DNAH5: variants seen among roughly 807,000 people sequenced by gnomAD.
The protein encoded by DNAH5 is axonemal beta dynein heavy chain 5.
Under a neutral mutation model 518.2 loss-of-function variants are expected in DNAH5, and 372 were observed. The ratio of observed to expected loss-of-function variants is 0.72; its 90% CI spans 0.66 to 0.78. DNAH5 has a LOEUF of 0.78. Among genes scored for constraint, DNAH5 ranks in the 30% least tolerant of loss-of-function variants. The pLI is 0.00. For missense variants in DNAH5, 5,523 were observed against 5,687.0 expected (o/e 0.97, Z 0.93); for synonymous variants, 2,039 against 2,025.9 (o/e 1.01, Z -0.17).
At chr5:13,761,773 T>G (rs879466046) in intron 60 of DNAH5, among the ~76,000 whole-genome samples, 1 of 152,216 alleles carries the variant, frequency 6.6e-6, no homozygotes, top group African/African-American at 2.4e-5. Context: ...ACATCAATTA[T>G]TTGCTCTGAA....
At position 13,753,528 on chromosome 5, in the gene DNAH5, GC is replaced by G. The variant is rs1750557822; in HGVS notation, c.10576del (p.Ala3526LeufsTer18). Reference sequence around the variant, plus strand: ...AAATGGACCAGAATAAGATAGAAAAGCTGTAGCCAACAGTACATCCCCTAAA... The same window carrying G: ...AAATGGACCAGAATAAGATAGAAAAGTGTAGCCAACAGTACATCCCCTAAA... ...RLVGDVLLAT[A>X]FLSYSGPFNQ... On this transcript the variant is annotated frameshift_variant, in exon 63 of 79. Coordinates refer to ENST00000265104, the MANE Select transcript of DNAH5 (RefSeq NM_001369.3). LOFTEE classifies it high-confidence loss of function. 1 of 1,613,632 alleles carries G rather than the reference GC, an allele frequency of 6.2e-7. No individual in the cohort carries two copies. The highest frequency in any genetic ancestry group is 8.5e-7 in the Non-Finnish European group (1 of 1,179,884).
At chr5:13,891,246 C>T in intron 16 of DNAH5, 125 bp from the exon 17 acceptor site, 1 of 970,946 alleles carries the variant, frequency 1.0e-6, no homozygotes, top group Non-Finnish European at 1.6e-6. Context: ...ACGTATGTTC[C>T]CCAGATCCCC....
At chr5:13,910,442 T>C (rs1775846426) in intron 12 of DNAH5, among the ~76,000 whole-genome samples, 1 of 152,230 alleles carries the variant, frequency 6.6e-6, no homozygotes, top group Non-Finnish European at 1.5e-5. Flanking sequence ...ATTCTAACAC[T>C]GAACTCGCTC....
chr5:13,905,666 T>C (rs1052711146), intron 12 of DNAH5, among the ~76,000 whole-genome samples: 1 of 152,152 alleles, frequency 6.6e-6, no homozygotes, highest in African/African-American at 2.4e-5. Flanking sequence ...TCTAATTCAT[T>C]GCCAGTGGGA....
Position 13,735,296 on chromosome 5 carries a change from T to C in DNAH5, c.11596A>G (p.Lys3866Glu). ...ARSVKSPITS[K>E]RIANIIEHMT... ...TGCTCGATGATATTAGCAATCCTCTTGCTTGTAATCGGGCTCTTGACAGAC... is the reference window on the plus strand; with the variant it reads ...TGCTCGATGATATTAGCAATCCTCTCGCTTGTAATCGGGCTCTTGACAGAC... The change falls in exon 68 of 79, where the codon AAG becomes GAG. Residue 3866 changes from lysine (K) to glutamate (E), a missense_variant. Transcript: ENST00000265104. 6.2e-7 allele frequency: 1 copy of C among 1,614,132 alleles called. No individual in the cohort carries two copies.
At chr5:13,871,511 G>A in intron 23 of DNAH5, 53 bp downstream of exon 23, 1 of 1,445,442 alleles carries the variant, frequency 6.9e-7, no homozygotes, top group Non-Finnish European at 9.7e-7. Context: ...TAGGTAAAGA[G>A]GCAGAACAAT....
chr5:13,813,287 C>T (rs915089063), intron 43 of DNAH5, among the ~76,000 whole-genome samples: 3 of 152,124 alleles, frequency 2.0e-5, no homozygotes, highest in Admixed American at 2.0e-4. Flanking sequence ...ATAGCAAACT[C>T]ATGCATTAGC....
chr5:13,904,361 AT>A (rs1162129155), intron 12 of DNAH5, among the ~76,000 whole-genome samples: 1 of 148,954 alleles, frequency 6.7e-6, no homozygotes, highest in Non-Finnish European at 1.5e-5. Flanking sequence ...TATGGATTAT[AT>A]TTTTATGTAG....
chr5:13,721,303 T>G, intron 70 of DNAH5, 58 bp from the exon 71 acceptor site: 1 of 1,609,236 alleles, frequency 6.2e-7, no homozygotes, highest in Non-Finnish European at 8.5e-7. Context: ...ATGTAGATAA[T>G]GTAGTGTGGT....
At position 13,830,224 on chromosome 5, in the gene DNAH5, A is replaced by G; in HGVS notation, c.6062-11T>C. 1 of 1,611,714 alleles carries G rather than the reference A, an allele frequency of 6.2e-7. No homozygotes were observed. Among genetic ancestry groups the G allele is most frequent in the Admixed American group, 1.7e-5 (1 of 60,006 alleles). The stretch of plus-strand genomic sequence containing the variant: ...CAGACTGTGCCAGTCCTTCGAAAGG[A>G]AATTAAATGAAAAATCCAATTAGTA... On this transcript the variant is annotated splice_polypyrimidine_tract_variant and intron_variant, in intron 36 of 78. Transcript: ENST00000265104.
chr5:13,924,611 G>A (rs1388544501), intron 3 of DNAH5, among the ~76,000 whole-genome samples: 2 of 151,540 alleles, frequency 1.3e-5, no homozygotes, highest in Non-Finnish European at 2.9e-5. Flanking sequence ...GGAGATGGAG[G>A]TTGTGGTCAG....
intron 12 of DNAH5, among the ~76,000 whole-genome samples, chr5:13,904,873 T>G (rs761758634): frequency 1.3e-5 from 2 of 151,520 alleles, no homozygotes; most frequent in Non-Finnish European, 2.9e-5. Context: ...ATCGCACCAC[T>G]GCACTCCAGC....
chr5:13,954,476 A>C (rs1437550804), intron 1 of DNAH5, among the ~76,000 whole-genome samples: 3 of 152,266 alleles, frequency 2.0e-5, no homozygotes, highest in African/African-American at 7.2e-5. Context: ...AAATCACTTT[A>C]GTGAAGGAGG....
intron 60 of DNAH5, among the ~76,000 whole-genome samples, chr5:13,760,417 G>A (rs945115412): frequency 6.6e-6 from 1 of 152,084 alleles, no homozygotes; most frequent in Non-Finnish European, 1.5e-5. Flanking sequence ...GATAACATAT[G>A]TAAAATCCCA....
At chr5:13,701,134 G>GT in intron 77 of DNAH5, 150 bp downstream of exon 77, 2 of 1,069,218 alleles carry the variant, frequency 1.9e-6, no homozygotes, top group Non-Finnish European at 2.8e-6. Flanking sequence ...GAGAACAACT[G>GT]GCTGGGATTT....
At chr5:13,946,273 T>C (rs1227993462), upstream of DNAH5, among the ~76,000 whole-genome samples, 1 of 152,208 alleles carries the variant, frequency 6.6e-6, no homozygotes, top group Non-Finnish European at 1.5e-5. Context: ...TTTCCACAGA[T>C]GGCTGATGGC....
intron 52 of DNAH5, among the ~76,000 whole-genome samples, 166 bp from the exon 53 acceptor site, chr5:13,781,125 T>C (rs1051773079): frequency 2.6e-5 from 4 of 152,116 alleles, no homozygotes; most frequent in Non-Finnish European, 5.9e-5. Context: ...ATTTCTGAAA[T>C]AGAACAGTGT....
Position 13,776,569 on chromosome 5 carries a change from G to A in DNAH5, c.9243C>T (p.Asn3081=), listed in dbSNP as rs1329134772. Residue 3081 remains asparagine (N), a synonymous_variant, in exon 55 of 79, where the codon AAC becomes AAT. Coordinates refer to ENST00000265104, the MANE Select transcript of DNAH5 (RefSeq NM_001369.3). ...GCGAGAAGCAGAGCACAATATGAAG[G>A]TTCTGTCGGACCCGACTCATGAAGT... is the stretch of plus-strand genomic sequence containing the variant. The part of the protein sequence containing the change: ...HDYFMSRVRQ[N]LHIVLCFSPV... 1 of 1,613,832 alleles carries A rather than the reference G, an allele frequency of 6.2e-7. No individual in the cohort carries two copies. The highest frequency in any genetic ancestry group is 1.3e-5 in the African/African-American group (1 of 74,908).
chr5:13,729,632 T>C (rs1236293394), intron 68 of DNAH5, 72 bp from the exon 69 acceptor site: 3 of 1,375,136 alleles, frequency 2.2e-6, no homozygotes, highest in African/African-American at 1.5e-5. Flanking sequence ...GTAAAATTTG[T>C]ATTATTTTAA....
Sources: allele counts gnomAD v4.1 joint callset (sites outside exome capture counted in the v4.1 genomes callset), GRCh38; gene constraint gnomAD v4.1.1; transcripts MANE v1.5; gene names NCBI Gene and HGNC (gene_info 2026-07-23, HGNC 2026-07-21).